The following LMBRD1 variants were observed in gnomAD, a reference collection of about 807,000 sequenced individuals.
LMBRD1 encodes lysosomal cobalamin transport escort protein LMBD1.
Under a neutral mutation model 74.8 loss-of-function variants are expected in LMBRD1, and 64 were observed. The ratio of observed to expected loss-of-function variants is 0.86; its 90% CI spans 0.70 to 1.05. LMBRD1 has a LOEUF of 1.05. LMBRD1 is among the 50% of genes least tolerant of loss of function. LMBRD1 has a pLI of 0.00. For missense variants in LMBRD1, 652 were observed against 645.9 expected (o/e 1.01, Z -0.10); for synonymous variants, 204 against 216.3 (o/e 0.94, Z 0.50).
At chr6:69,694,831 G>A (rs1582055113) in intron 14 of LMBRD1, among the ~76,000 whole-genome samples, 2 of 151,970 alleles carry the variant, frequency 1.3e-5, no homozygotes, top group African/African-American at 2.4e-5. Flanking sequence ...TCTGTCCCTC[G>A]ACATATTTAC....
chr6:69,758,914 T>C (rs1183730343), intron 3 of LMBRD1, among the ~76,000 whole-genome samples: 1 of 152,096 alleles, frequency 6.6e-6, no homozygotes, highest in African/African-American at 2.4e-5. Context: ...TCTCCTTGCA[T>C]TAACTGTGTA....
chr6:69,794,154 T>C (rs773914146), intron 1 of LMBRD1, among the ~76,000 whole-genome samples: 3 of 152,216 alleles, frequency 2.0e-5, no homozygotes, highest in Non-Finnish European at 4.4e-5. Context: ...TAAGATGCTA[T>C]TTGCCTTTTT....
intron 5 of LMBRD1, among the ~76,000 whole-genome samples, chr6:69,748,430 T>C (rs1765044648): frequency 1.3e-5 from 2 of 152,098 alleles, no homozygotes; most frequent in South Asian, 4.1e-4. Flanking sequence ...CTCTTTTTCA[T>C]GACACATCAA....
At position 69,705,503 on chromosome 6, in the gene LMBRD1, G is replaced by A. The variant is rs547055740; in HGVS notation, c.916-3550C>T. 3.1e-4 allele frequency: 385 copies of A among 1,235,512 alleles called. 1 individual carries two copies. The highest frequency in any genetic ancestry group is 3.0e-3 in the Middle Eastern group (11 of 3,700). 76.5% of individuals were successfully genotyped at this position (1,235,512 alleles called of 1,614,324 possible). A position where few individuals can be genotyped will look rare whatever the true frequency, so the allele number is the denominator to read the frequency against. ...CCTGTTTTTTGAAGGATTCTTACCC[G>A]TTTGATCTTGGTATTGATGATGGTT... On this transcript the variant is annotated intron_variant, in intron 9 of 15. Transcript: ENST00000649934.
chr6:69,700,006 T>C (rs1419785399), intron 12 of LMBRD1, among the ~76,000 whole-genome samples: 1 of 151,870 alleles, frequency 6.6e-6, no homozygotes, highest in Non-Finnish European at 1.5e-5. Flanking sequence ...TACCCCTTTC[T>C]CCTAACTACC....
intron 14 of LMBRD1, among the ~76,000 whole-genome samples, chr6:69,686,929 A>G (rs1765776618): frequency 6.6e-6 from 1 of 152,182 alleles, no homozygotes; most frequent in South Asian, 2.1e-4. Context: ...TGGTTATCAT[A>G]GACTACTGCA....
At chr6:69,742,870 G>A (rs954924736) in intron 5 of LMBRD1, among the ~76,000 whole-genome samples, 3 of 152,030 alleles carry the variant, frequency 2.0e-5, no homozygotes, top group Non-Finnish European at 4.4e-5. Flanking sequence ...ACTGGGCACA[G>A]CATGTCAGGG....
rs187098604 is a variant in LMBRD1 at position 69,693,955 on chromosome 6, A to T, written c.1417+3608T>A. On this transcript the variant is annotated intron_variant, in intron 14 of 15. Transcript: ENST00000649934. ...AAGTTGGGAAAGATAAACCCATAAA[A>T]CTAAAGGGTATGTTTTTGTATTGCA... Among the ~76,000 whole-genome samples, 68 of 152,234 alleles carry T rather than the reference A, an allele frequency of 4.5e-4. No homozygotes were observed. In the East Asian group the frequency reaches 0.013, roughly 29 times the overall value.
intron 2 of LMBRD1, among the ~76,000 whole-genome samples, chr6:69,784,478 T>C (rs1216585452): frequency 6.6e-6 from 1 of 152,160 alleles, no homozygotes; most frequent in Non-Finnish European, 1.5e-5. Flanking sequence ...ATGGGGCATT[T>C]GACAATGTCC....
intron 14 of LMBRD1, among the ~76,000 whole-genome samples, chr6:69,680,821 C>CA (rs1370859973): frequency 1.1e-4 from 16 of 152,178 alleles, no homozygotes; most frequent in African/African-American, 3.4e-4. Context: ...ATTCAAGTGA[C>CA]AATTCCACCC....
At chr6:69,770,685 TC>T (rs1249703328) in intron 3 of LMBRD1, among the ~76,000 whole-genome samples, 1 of 152,236 alleles carries the variant, frequency 6.6e-6, no homozygotes, top group East Asian at 1.9e-4. Flanking sequence ...CAATATCTGT[TC>T]TTTGTGCTTA....
intron 6 of LMBRD1, among the ~76,000 whole-genome samples, chr6:69,739,176 C>T (rs1340017238): frequency 1.3e-5 from 2 of 151,858 alleles, no homozygotes. Flanking sequence ...TCCAAAACAG[C>T]GATGTAAAAA....
At chr6:69,759,097 T>C (rs1367237990) in intron 3 of LMBRD1, among the ~76,000 whole-genome samples, 18 of 152,272 alleles carry the variant, frequency 1.2e-4, no homozygotes, top group Admixed American at 1.1e-3. Flanking sequence ...TATAAACCAG[T>C]AAGCAAGGTA....
chr6:69,695,810 A>AT (rs71748632), intron 14 of LMBRD1, among the ~76,000 whole-genome samples: 77,779 of 147,034 alleles, frequency 0.53, 20,818 homozygotes, highest in Non-Finnish European at 0.58. Flanking sequence ...TCAACTAATC[A>AT]TTTTTTTTTA....
At chr6:69,779,052 G>T (rs1453424099) in intron 3 of LMBRD1, among the ~76,000 whole-genome samples, 3 of 152,038 alleles carry the variant, frequency 2.0e-5, no homozygotes, top group African/African-American at 7.3e-5. Flanking sequence ...TGGGCGTGAT[G>T]GTGTGTGCCT....
intron 14 of LMBRD1, among the ~76,000 whole-genome samples, chr6:69,687,978 A>G (rs1562083972): frequency 1.3e-5 from 2 of 152,148 alleles, no homozygotes; most frequent in Non-Finnish European, 2.9e-5. Flanking sequence ...TGGGGTAGGA[A>G]GTGTGAAGTA....
At chr6:69,731,178 A>G (rs1452010773) in intron 7 of LMBRD1, among the ~76,000 whole-genome samples, 2 of 152,084 alleles carry the variant, frequency 1.3e-5, no homozygotes, top group African/African-American at 4.8e-5. Flanking sequence ...GGGAGGGGAG[A>G]TGAAGAGAGG....
intron 2 of LMBRD1, among the ~76,000 whole-genome samples, chr6:69,784,349 T>C (rs1050201062): frequency 6.6e-6 from 1 of 152,232 alleles, no homozygotes; most frequent in African/African-American, 2.4e-5. Flanking sequence ...TCCCCATTTT[T>C]CAAGTTGACT....
intron 14 of LMBRD1, among the ~76,000 whole-genome samples, chr6:69,696,096 G>T (rs930448726): frequency 6.6e-6 from 1 of 152,020 alleles, no homozygotes; most frequent in Non-Finnish European, 1.5e-5. Flanking sequence ...CGCCTGCCTC[G>T]GCCTCCCAGT....
Sources: allele counts gnomAD v4.1 joint callset (sites outside exome capture counted in the v4.1 genomes callset), GRCh38; gene constraint gnomAD v4.1.1; transcripts MANE v1.5; gene names NCBI Gene and HGNC (gene_info 2026-07-23, HGNC 2026-07-21).